The following LETM1 variants were observed in gnomAD, a reference collection of about 807,000 sequenced individuals.
LETM1 encodes the protein leucine zipper and EF-hand containing transmembrane protein 1, also known as mitochondrial proton/calcium exchanger protein.
Under a neutral mutation model 74.5 loss-of-function variants are expected in LETM1, and 50 were observed. That is an observed-to-expected ratio of 0.67 (90% CI 0.53 to 0.85). LETM1 has a LOEUF of 0.85. LETM1 is among the 40% of genes least tolerant of loss of function. The probability of loss-of-function intolerance (pLI) is 0.00; values close to 1 mark genes in which losing one functional copy is unlikely to be tolerated. For missense variants in LETM1, 824 were observed against 967.8 expected, an observed-to-expected ratio of 0.85 and a Z score of 1.97; for synonymous variants, 446 against 407.1, an observed-to-expected ratio of 1.10 and a Z score of -1.15.
At chr4:1,820,267 T>C (rs1011857840) in intron 10 of LETM1, among the ~76,000 whole-genome samples, 4 of 152,136 alleles carry the variant, frequency 2.6e-5, no homozygotes, top group Non-Finnish European at 4.4e-5. Flanking sequence ...CTCAGCAACA[T>C]TTTACAGTAC....
intron 1 of LETM1, among the ~76,000 whole-genome samples, chr4:1,855,139 C>G (rs372945794): frequency 6.6e-6 from 1 of 152,134 alleles, no homozygotes; most frequent in African/African-American, 2.4e-5. Context: ...TGAGTATGAT[C>G]GCACCACTGC....
intron 1 of LETM1, among the ~76,000 whole-genome samples, chr4:1,851,395 G>A (rs984663832): frequency 1.3e-5 from 2 of 152,156 alleles, no homozygotes; most frequent in African/African-American, 4.8e-5. Flanking sequence ...GAACAAGATG[G>A]GGAGGGCAGG....
At position 1,823,056 on chromosome 4, in the gene LETM1, G is replaced by T; in HGVS notation, c.1408C>A (p.Leu470Met). The T allele has an allele frequency of 2.5e-6, 4 of 1,610,132 alleles. No homozygotes were observed. The highest frequency in any genetic ancestry group is 3.4e-6 in the Non-Finnish European group (4 of 1,177,862). Residue 470 changes from leucine to methionine, a missense_variant, in exon 9 of 14, where the codon CTG (leucine) becomes ATG (methionine). By Grantham distance (15) the Leu-to-Met change is conservative. Coordinates refer to ENST00000302787, the MANE Select transcript of LETM1 (RefSeq NM_012318.3). Reference protein sequence around the residue: ...VDNKAKLEATLQEEAAIQQEH... With the variant: ...VDNKAKLEATMQEEAAIQQEH... ...TGCTGGATGGCCGCCTCCTCCTGCA[G>T]CGTGGCCTCCAGCTTGGCCTTGTTG...
rs1250753766 is a variant in LETM1 at position 1,836,997 on chromosome 4, GTT to G, written c.595-427_595-426del. ...GCTCTATAAGGAGGGCTTCTCTTGT[GTT>G]TCCTAAGACTATACTACAAAGCAAT... On this transcript the variant is annotated intron_variant, in intron 3 of 13. Transcript: ENST00000302787. The surrounding 1 kb of genome is among the most constrained non-coding windows in gnomAD (Gnocchi z 5.8). 6.6e-6 allele frequency among the ~76,000 whole-genome samples: 1 copy of G among 152,176 alleles called. No homozygotes were observed. The highest frequency in any genetic ancestry group is 1.5e-5 in the Non-Finnish European group (1 of 68,036).
At chr4:1,821,427 A>C (rs375329818) in intron 10 of LETM1, among the ~76,000 whole-genome samples, 2 of 150,808 alleles carry the variant, frequency 1.3e-5, no homozygotes, top group East Asian at 4.1e-4. Flanking sequence ...GGTGGCTCAC[A>C]CCTGTAATCC....
Position 1,856,064 on chromosome 4 carries a change from A to T in LETM1, c.-114T>A. 1 of 602,424 alleles carries T rather than the reference A, an allele frequency of 1.7e-6. No homozygotes were observed. The highest frequency in any genetic ancestry group is 2.3e-6 in the Non-Finnish European group (1 of 426,778). 37.3% of individuals were successfully genotyped at this position (602,424 alleles called of 1,614,324 possible). On this transcript the variant is annotated 5_prime_UTR_variant, in exon 1 of 14. Coordinates refer to ENST00000302787, the MANE Select transcript of LETM1 (RefSeq NM_012318.3). ...GACCCGGCCCGCGCGGACGGCTGACAGAGGCGGCTGGCCTCGGACGGGAGG... is the reference window on the plus strand; with the variant it reads ...GACCCGGCCCGCGCGGACGGCTGACTGAGGCGGCTGGCCTCGGACGGGAGG...
At chr4:1,835,501 G>A (rs73799011) in intron 4 of LETM1, among the ~76,000 whole-genome samples, 9 of 152,028 alleles carry the variant, frequency 5.9e-5, no homozygotes, top group Non-Finnish European at 1.3e-4. Flanking sequence ...AAACAAACTC[G>A]TGTGATTCCC....
intron 5 of LETM1, chr4:1,833,296 C>G: frequency 3.3e-6 from 1 of 299,128 alleles, no homozygotes; most frequent in Non-Finnish European, 6.5e-6. Flanking sequence ...TCTCAAATAC[C>G]CGACCTCAAG....
At chr4:1,826,809 C>T (rs563381401) in intron 6 of LETM1, among the ~76,000 whole-genome samples, 3 of 152,368 alleles carry the variant, frequency 2.0e-5, no homozygotes, top group South Asian at 2.1e-4. Flanking sequence ...CGTTTGATTT[C>T]GCTCTGGTGG....
chr4:1,844,337 C>T (rs184281776), intron 2 of LETM1, among the ~76,000 whole-genome samples: 1 of 152,372 alleles, frequency 6.6e-6, no homozygotes, highest in East Asian at 1.9e-4. Context: ...TGCTGTCTTA[C>T]AGTTTGCTTA....
In LETM1 at chr4:1,855,914, C is replaced by A. The variant is rs1478870180; in HGVS notation, c.37G>T (p.Ala13Ser). 1.6e-6 allele frequency: 2 copies of A among 1,237,788 alleles called. No individual in the cohort carries two copies. Among genetic ancestry groups the A allele is most frequent in the East Asian group, 6.7e-5 (2 of 29,816 alleles). 76.7% of individuals were successfully genotyped at this position (1,237,788 alleles called of 1,614,324 possible). The change falls in exon 1 of 14, where the codon GCG becomes TCG. Residue 13 changes from alanine (A) to serine (S), a missense_variant. Ala to Ser is a moderately conservative substitution (Grantham distance 99). Transcript: ENST00000302787. ...GGCGGCGGCGGGAGGCGGGCGGGCGCCCGGCCGCGGCAGCTCCTCAGTAAG... is the reference window on the plus strand; with the variant it reads ...GGCGGCGGCGGGAGGCGGGCGGGCGACCGGCCGCGGCAGCTCCTCAGTAAG... ...SILLRSCRGR[A>S]PARLPPPPRY...
rs570834787 is a variant in LETM1 at position 1,848,860 on chromosome 4, C to T, written c.143+289G>A. 2.0e-5 allele frequency among the ~76,000 whole-genome samples: 3 copies of T among 152,160 alleles called. No homozygotes were observed. In the Middle Eastern group the frequency reaches 0.01, roughly 521 times the overall value. On this transcript the variant is annotated intron_variant, in intron 2 of 13. Coordinates refer to ENST00000302787, the MANE Select transcript of LETM1 (RefSeq NM_012318.3). ...CCAGTGCCCACTCCAACTGGGAGTCCAACAATTAAATTCCATTTAATTCCT... is the reference window on the plus strand; with the variant it reads ...CCAGTGCCCACTCCAACTGGGAGTCTAACAATTAAATTCCATTTAATTCCT...
At chr4:1,828,397 C>T (rs1175289778) in intron 6 of LETM1, among the ~76,000 whole-genome samples, 2 of 117,484 alleles carry the variant, frequency 1.7e-5, no homozygotes, top group Non-Finnish European at 3.6e-5. Context: ...CACCTCCCTC[C>T]CGGACGGGGC....
At position 1,823,713 on chromosome 4, in the gene LETM1, C is replaced by A. The variant is rs1441635674; in HGVS notation, c.1263G>T (p.Met421Ile). The A allele has an allele frequency of 6.2e-7, 1 of 1,613,754 alleles. No homozygotes were observed. The highest frequency in any genetic ancestry group is 1.3e-5 in the African/African-American group (1 of 74,894). ...CTGGAGAGAGGGTGTCCGGGAGGTACATGGCCCGGGACAGGATGAGCAGCG... is the reference window on the plus strand; with the variant it reads ...CTGGAGAGAGGGTGTCCGGGAGGTAAATGGCCCGGGACAGGATGAGCAGCG... ...PTSLLILSRAMYLPDTLSPAD... is the reference protein window; with the variant it reads ...PTSLLILSRAIYLPDTLSPAD... The change falls in exon 8 of 14, where the codon ATG (methionine) becomes ATT (isoleucine). Residue 421 changes from methionine (M) to isoleucine (I), a missense_variant. Physicochemically the swap from Met to Ile is conservative, Grantham distance 10. Transcript: ENST00000302787.
In LETM1 at chr4:1,834,448, C is replaced by A; in HGVS notation, c.876+397G>T. 1 of 1,028,462 alleles carries A rather than the reference C, an allele frequency of 9.7e-7. No homozygotes were observed. Among genetic ancestry groups the A allele is most frequent in the Non-Finnish European group, 1.2e-6 (1 of 856,654 alleles). The allele number at this position is 1,028,462 out of a possible 1,614,324, so 63.7% of individuals were successfully genotyped here. A position where few individuals can be genotyped will look rare whatever the true frequency, so the allele number is the denominator to read the frequency against. On this transcript the variant is annotated intron_variant, in intron 5 of 13. Coordinates refer to ENST00000302787, the MANE Select transcript of LETM1 (RefSeq NM_012318.3). The surrounding 1 kb of genome is among the most constrained non-coding windows in gnomAD (Gnocchi z 5.0). ...CTGCTCCCACAGTCCAGGCCTCTGACCAGCCCCTGGGACCTGGGATCTTCT... is the reference window on the plus strand; with the variant it reads ...CTGCTCCCACAGTCCAGGCCTCTGAACAGCCCCTGGGACCTGGGATCTTCT...
chr4:1,850,644 G>GAAAA (rs535769857), intron 1 of LETM1, among the ~76,000 whole-genome samples: 1 of 74,336 alleles, frequency 1.3e-5, no homozygotes, highest in Non-Finnish European at 2.9e-5. Flanking sequence ...CTCTGTCTCA[G>GAAAA]AAAAAAAAAA....
chr4:1,818,384 C>A (rs566247277), intron 11 of LETM1, among the ~76,000 whole-genome samples: 1 of 152,008 alleles, frequency 6.6e-6, no homozygotes, highest in African/African-American at 2.4e-5. Context: ...GAGGCTGAGG[C>A]GGGTGGATCA....
At chr4:1,816,676 C>A in intron 12 of LETM1, 51 bp downstream of exon 12, 1 of 1,547,412 alleles carries the variant, frequency 6.5e-7, no homozygotes, top group Middle Eastern at 1.7e-4. Context: ...AAGGGACCAG[C>A]CTCCCTATGT....
intron 2 of LETM1, among the ~76,000 whole-genome samples, chr4:1,845,701 C>T (rs1226786818): frequency 6.6e-6 from 1 of 151,538 alleles, no homozygotes; most frequent in Non-Finnish European, 1.5e-5. Flanking sequence ...CATGTGCCAC[C>T]ACGCCCAGGT....
Sources: gnomAD v4.1 joint callset for allele counts (sites outside exome capture counted in the v4.1 genomes callset) on GRCh38, gnomAD v4.1.1 for gene constraint, Gnocchi (gnomAD v3.1) non-coding constraint, MANE v1.5 for transcripts, NCBI Gene and HGNC (gene_info 2026-07-23, HGNC 2026-07-21) for gene names.